Variants in ATP7A observed in about 807,000 individuals in gnomAD.
The protein encoded by ATP7A is copper-transporting ATPase 1.
ATP7A carries 7 observed loss-of-function variants against 83.5 expected under a neutral mutation model. The ratio of observed to expected loss-of-function variants is 0.08; its 90% CI spans 0.05 to 0.16. The LOEUF is 0.16. Ranked by LOEUF, ATP7A falls within the 10% of genes least tolerant of loss-of-function variation. The pLI is 1.00. For missense variants in ATP7A, 940 were observed against 1,120.8 expected (o/e 0.84, Z 2.30); for synonymous variants, 354 against 395.2 (o/e 0.90, Z 1.24).
At chrX:77,978,590 T>G (rs1557230576) in intron 2 of ATP7A, among the ~76,000 whole-genome samples, 1 of 111,539 alleles carries the variant, frequency 9.0e-6, no homozygotes, top group African/African-American at 3.3e-5. Flanking sequence ...TGAAAGGAAC[T>G]TTTCTAAACT....
chrX:78,031,458 A>G lies in ATP7A; in HGVS notation c.3170A>G (p.Asn1057Ser). 4 of 1,211,297 alleles carry G rather than the reference A, an allele frequency of 3.3e-6. No homozygotes were observed. The highest frequency in any genetic ancestry group is 4.5e-6 in the Non-Finnish European group (4 of 894,849). ...ATTACTCACGGAACCCCAGTGGTGA[A>G]TCAAGTAAAGGTTCTAACTGAAAGT... Reference protein sequence around the residue: ...GTITHGTPVVNQVKVLTESNR... With the variant: ...GTITHGTPVVSQVKVLTESNR... Residue 1057 changes from asparagine (N) to serine (S), a missense_variant, in exon 16 of 23, where the codon AAT becomes AGT. Physicochemically the swap from Asn to Ser is conservative, Grantham distance 46. This residue lies in a region of ATP7A where 386 missense variants were observed against 502.2 expected (regional missense o/e 0.77). Coordinates refer to ENST00000341514, the MANE Select transcript of ATP7A (RefSeq NM_000052.7).
chrX:77,931,531 C>T (rs1557224246), intron 1 of ATP7A, among the ~76,000 whole-genome samples: 1 of 112,761 alleles, frequency 8.9e-6, no homozygotes, highest in East Asian at 2.8e-4. Flanking sequence ...CTGTTGGGTA[C>T]ACCTCCCAGA....
chrX:77,918,976 G>A, intron 1 of ATP7A, among the ~76,000 whole-genome samples: 1 of 111,085 alleles, frequency 9.0e-6, no homozygotes, highest in East Asian at 2.8e-4. Context: ...TTTGTCTAAG[G>A]ATTTCAAGGT....
Position 78,011,651 on chromosome X carries a change from T to G in ATP7A, c.2149T>G (p.Phe717Val), listed in dbSNP as rs1557234537. The G allele has an allele frequency of 2.1e-5, 25 of 1,207,959 alleles. No homozygotes were observed. The highest frequency in any genetic ancestry group is 2.7e-5 in the Non-Finnish European group (24 of 893,565). ...ATTGTCTGTTATGAATTTGCTGTCC[T>G]TTTTATTGTGTGTACCTGTACAGGC... ...PGLSVMNLLS[F>V]LLCVPVQFFG... The change falls in exon 9 of 23, where the codon TTT becomes GTT. Residue 717 changes from phenylalanine (F) to valine (V), a missense_variant. Phe to Val is a conservative substitution (Grantham distance 50). Coordinates refer to ENST00000341514, the MANE Select transcript of ATP7A (RefSeq NM_000052.7).
intron 1 of ATP7A, among the ~76,000 whole-genome samples, chrX:77,961,532 T>C (rs1270548710): frequency 1.8e-5 from 2 of 111,940 alleles, no homozygotes; most frequent in African/African-American, 3.2e-5. Context: ...ACCCATAAGA[T>C]ACAGGAGCAA....
At chrX:77,978,970 T>C (rs1214624227) in intron 2 of ATP7A, among the ~76,000 whole-genome samples, 2 of 110,710 alleles carry the variant, frequency 1.8e-5, no homozygotes, top group Non-Finnish European at 3.8e-5. Context: ...TAGCTGGCAT[T>C]ACAGGCACGT....
At chrX:77,963,506 T>C (rs1320648592) in intron 1 of ATP7A, 3 of 112,617 alleles carry the variant, frequency 2.7e-5, no homozygotes, top group Non-Finnish European at 5.6e-5. Context: ...CTTTGTTGAC[T>C]TGAAGGAAAA....
chrX:77,911,621 A>G (rs1047029909), intron 1 of ATP7A, among the ~76,000 whole-genome samples: 1 of 108,710 alleles, frequency 9.2e-6, no homozygotes, highest in Non-Finnish European at 1.9e-5. Context: ...ACAAGAAATA[A>G]GACAGAGTTC....
At position 78,017,738 on chromosome X, in the gene ATP7A, A is replaced by G. The variant is rs985157496; in HGVS notation, c.2626+1857A>G. On this transcript the variant is annotated intron_variant, in intron 12 of 22. Transcript: ENST00000341514. ...TCCACAGATCTCTAGGGTGGGGGAA[A>G]AATGCCATCCGTCTCTTTTCTTGTT... 3.7e-5 allele frequency among the ~76,000 whole-genome samples: 4 copies of G among 107,901 alleles called. No homozygotes were observed. In the South Asian group the frequency reaches 1.3e-3, roughly 34 times the overall value. The allele number at this position is 107,901 out of a possible 115,157, so 93.7% of individuals were successfully genotyped here.
intron 2 of ATP7A, among the ~76,000 whole-genome samples, chrX:77,980,127 C>A (rs2077596648): frequency 8.9e-6 from 1 of 112,256 alleles, no homozygotes; most frequent in Non-Finnish European, 1.9e-5. Flanking sequence ...CTGAAACTTA[C>A]AACACTAACT....
Position 77,972,818 on chromosome X carries a change from C to T in ATP7A, c.120+1057C>T, listed in dbSNP as rs782196188. Among the ~76,000 whole-genome samples, 5 of 110,302 alleles carry T rather than the reference C, an allele frequency of 4.5e-5. No individual in the cohort carries two copies. The South Asian group carries it at 2.0e-3, about 43-fold the overall frequency. On this transcript the variant is annotated intron_variant, in intron 2 of 22. Transcript: ENST00000341514. ...TGCCCAGCCAAAATTACTAGTACAC[C>T]TTGTATGATATGCCTAAGGAAGACT...
At chrX:78,012,512 C>T (rs782006105) in intron 9 of ATP7A, among the ~76,000 whole-genome samples, 1 of 105,553 alleles carries the variant, frequency 9.5e-6, no homozygotes, top group Admixed American at 1.1e-4. Flanking sequence ...ATCCCAGCTA[C>T]TTGGGAGGCT....
intron 1 of ATP7A, chrX:77,923,587 T>C (rs1177682866): frequency 1.8e-5 from 2 of 110,181 alleles, no homozygotes. Flanking sequence ...TTCTTTTTTT[T>C]TTTTTGAGAC....
chrX:77,928,825 G>A (rs973427728), intron 1 of ATP7A, among the ~76,000 whole-genome samples: 13 of 111,994 alleles, frequency 1.2e-4, no homozygotes, highest in Admixed American at 4.7e-4. Flanking sequence ...AGGGCTTATT[G>A]TATGTGTGAA....
intron 1 of ATP7A, among the ~76,000 whole-genome samples, chrX:77,952,574 T>C (rs2077418899): frequency 9.0e-6 from 1 of 111,705 alleles, no homozygotes; most frequent in Admixed American, 9.6e-5. Flanking sequence ...GACTTTTTAA[T>C]AATTAAAACT....
chrX:77,938,350 A>T (rs1385891559), intron 1 of ATP7A, among the ~76,000 whole-genome samples: 1 of 112,876 alleles, frequency 8.9e-6, no homozygotes, highest in African/African-American at 3.2e-5. Flanking sequence ...CGGTTCAGGC[A>T]GCCTGGGATG....
chrX:77,963,186 A>G (rs1435945889), intron 1 of ATP7A: 1 of 124,460 alleles, frequency 8.0e-6, no homozygotes, highest in Non-Finnish European at 1.6e-5. Context: ...CCACAGTGCT[A>G]CCAGTAGCAA....
intron 2 of ATP7A, among the ~76,000 whole-genome samples, chrX:77,982,239 TC>T (rs1399693149): frequency 2.1e-4 from 24 of 112,002 alleles, no homozygotes; most frequent in African/African-American, 6.5e-4. Flanking sequence ...CAGAATCCTT[TC>T]AAGCTGTGAA....
At chrX:77,960,270 TACTCA>T (rs1342736190) in intron 1 of ATP7A, among the ~76,000 whole-genome samples, 1 of 112,080 alleles carries the variant, frequency 8.9e-6, no homozygotes, top group Non-Finnish European at 1.9e-5. Context: ...TAGTCCCAGC[TACTCA>T]GGAGGCTGAG....
Sources: allele counts gnomAD v4.1 joint callset (sites outside exome capture counted in the v4.1 genomes callset), GRCh38; gene constraint gnomAD v4.1.1; regional missense constraint gnomAD v4.1.1; transcripts MANE v1.5; gene names NCBI Gene and HGNC (gene_info 2026-07-23, HGNC 2026-07-21).